Variants in PCSK6 observed in about 807,000 individuals in gnomAD.
The protein encoded by PCSK6 is paired basic amino acid cleaving enzyme 4.
Under a neutral mutation model 123.3 loss-of-function variants are expected in PCSK6, and 85 were observed. The ratio of observed to expected loss-of-function variants is 0.69; its 90% confidence interval spans 0.58 to 0.83. PCSK6 has a LOEUF of 0.83. Ranked by LOEUF, PCSK6 falls within the 40% of genes least tolerant of loss-of-function variation. The probability of loss-of-function intolerance (pLI) is 0.00; values close to 1 mark genes in which losing one functional copy is unlikely to be tolerated. For missense variants in PCSK6, 1,191 were observed against 1,282.3 expected, an observed-to-expected ratio of 0.93 and a Z score of 1.09; for synonymous variants, 508 against 516.0, an observed-to-expected ratio of 0.98 and a Z score of 0.21.
chr15:101,363,879 C>T (rs1197223564), intron 13 of PCSK6, among the ~76,000 whole-genome samples: 2 of 151,680 alleles, frequency 1.3e-5, no homozygotes, highest in Non-Finnish European at 2.9e-5. Flanking sequence ...ACTTCGTGAT[C>T]CACCCGCCTC....
chr15:101,335,183 C>T (rs796864322), intron 13 of PCSK6, among the ~76,000 whole-genome samples: 14 of 152,344 alleles, frequency 9.2e-5, no homozygotes, highest in African/African-American at 3.4e-4. Flanking sequence ...TGGTCTCAAA[C>T]TCCTGAGCTC....
At chr15:101,340,525 A>G (rs902879977) in intron 13 of PCSK6, among the ~76,000 whole-genome samples, 2 of 152,340 alleles carry the variant, frequency 1.3e-5, no homozygotes, top group Non-Finnish European at 2.9e-5. Flanking sequence ...TACAAGGTTT[A>G]TAACAAAGAA....
At position 101,451,566 on chromosome 15, in the gene PCSK6, A is replaced by C. The variant is rs754005861; in HGVS notation, c.298-7906T>G. Among the ~76,000 whole-genome samples, 8 of 152,084 alleles carry C rather than the reference A, an allele frequency of 5.3e-5. 1 individual carries two copies. In the South Asian group the frequency reaches 1.0e-3, roughly 20 times the overall value. ...GAGGCTTCTGACTTTGCAAAAAAAA[A>C]CTGTACTTTATCACTCCCAAAGCCT... On this transcript the variant is annotated intron_variant, in intron 1 of 21. Coordinates refer to ENST00000611716, the MANE Select transcript of PCSK6 (RefSeq NM_002570.5).
At chr15:101,444,227 G>A (rs190018447) in intron 1 of PCSK6, among the ~76,000 whole-genome samples, 15 of 152,294 alleles carry the variant, frequency 9.8e-5, no homozygotes, top group Admixed American at 7.8e-4. Flanking sequence ...TTCTGCCAGG[G>A]GCAGTTTGTC....
chr15:101,443,746 ATCTG>A, intron 1 of PCSK6, 86 bp from the exon 2 acceptor site: 6 of 919,070 alleles, frequency 6.5e-6, no homozygotes, highest in Non-Finnish European at 9.0e-6. Flanking sequence ...TCTCCCCCTT[ATCTG>A]AGGGGCTCAT....
At chr15:101,480,455 C>T (rs1312947942) in intron 1 of PCSK6, among the ~76,000 whole-genome samples, 1 of 152,242 alleles carries the variant, frequency 6.6e-6, no homozygotes, top group Non-Finnish European at 1.5e-5. Flanking sequence ...ACACTGAGGG[C>T]ATTGATGGGC....
At chr15:101,428,499 T>C (rs895834304) in intron 5 of PCSK6, among the ~76,000 whole-genome samples, 1 of 152,212 alleles carries the variant, frequency 6.6e-6, no homozygotes, top group South Asian at 2.1e-4. Context: ...CTTCCTGTGC[T>C]TCTAAGGCCA....
chr15:101,384,071 G>A (rs2041987282), intron 10 of PCSK6: 1 of 972,706 alleles, frequency 1.0e-6, no homozygotes, highest in South Asian at 4.8e-5. Context: ...TATAGGTGGT[G>A]TCTCGGTGTG....
chr15:101,367,114 A>T (rs2041421651), intron 12 of PCSK6, among the ~76,000 whole-genome samples: 1 of 151,758 alleles, frequency 6.6e-6, no homozygotes, highest in African/African-American at 2.4e-5. Flanking sequence ...GCCTCCCTTT[A>T]CCCTTCCCAA....
At chr15:101,338,625 A>G (rs1346760415) in intron 13 of PCSK6, among the ~76,000 whole-genome samples, 4 of 152,246 alleles carry the variant, frequency 2.6e-5, no homozygotes, top group Non-Finnish European at 4.4e-5. Context: ...AGAATGTGTT[A>G]TTTACTATTC....
At chr15:101,330,823 G>T (rs878984933) in intron 15 of PCSK6, among the ~76,000 whole-genome samples, 1 of 152,186 alleles carries the variant, frequency 6.6e-6, no homozygotes, top group African/African-American at 2.4e-5. Flanking sequence ...GAGCAGATTA[G>T]TCCATACATA....
At chr15:101,488,628 G>C (rs1225791247) in intron 1 of PCSK6, among the ~76,000 whole-genome samples, 2 of 152,130 alleles carry the variant, frequency 1.3e-5, no homozygotes, top group Non-Finnish European at 2.9e-5. Flanking sequence ...GCTTGTCAGG[G>C]GAGCGACTTG....
At chr15:101,467,418 C>G (rs1164272009) in intron 1 of PCSK6, among the ~76,000 whole-genome samples, 1 of 151,596 alleles carries the variant, frequency 6.6e-6, no homozygotes, top group Non-Finnish European at 1.5e-5. Flanking sequence ...ACTACGAGTG[C>G]CCACCACCAC....
At chr15:101,382,641 G>A (rs1309376284) in intron 10 of PCSK6, among the ~76,000 whole-genome samples, 2 of 152,082 alleles carry the variant, frequency 1.3e-5, no homozygotes, top group Non-Finnish European at 2.9e-5. Flanking sequence ...ATAACACAAG[G>A]CTGTACTCAT....
Position 101,331,973 on chromosome 15 carries a change from G to A in PCSK6, c.1917C>T (p.Thr639=), listed in dbSNP as rs371792572. The A allele has an allele frequency of 5.0e-6, 8 of 1,613,788 alleles. No individual in the cohort carries two copies. The highest frequency in any genetic ancestry group is 2.2e-5 in the South Asian group (2 of 91,038). Residue 639 remains threonine, a synonymous_variant, in exon 14 of 22, where the codon ACC becomes ACT. Transcript: ENST00000611716. The part of the protein sequence containing the change: ...LYGTAEHPYH[T]FSAHQSRSRM... Reference sequence around the variant, plus strand: ...GCGAGCGGGACTGATGGGCACTGAAGGTGTGGTACGGGTGCTCTGCTGTGC... The same window carrying A: ...GCGAGCGGGACTGATGGGCACTGAAAGTGTGGTACGGGTGCTCTGCTGTGC...
intron 1 of PCSK6, among the ~76,000 whole-genome samples, chr15:101,474,416 G>A (rs1161895406): frequency 2.6e-5 from 4 of 152,174 alleles, no homozygotes; most frequent in Admixed American, 6.5e-5. Flanking sequence ...GCGCCACGGC[G>A]GTGATCACTG....
intron 13 of PCSK6, among the ~76,000 whole-genome samples, chr15:101,338,350 G>A (rs989329403): frequency 6.0e-5 from 9 of 149,996 alleles, no homozygotes; most frequent in African/African-American, 1.8e-4. Context: ...CTCTCATTGC[G>A]TCCACAGTGT....
chr15:101,333,585 G>A (rs2040413750), intron 13 of PCSK6, among the ~76,000 whole-genome samples: 1 of 152,188 alleles, frequency 6.6e-6, no homozygotes, highest in Non-Finnish European at 1.5e-5. Context: ...GCCCATGCTC[G>A]CTACTCCACC....
intron 13 of PCSK6, among the ~76,000 whole-genome samples, chr15:101,356,802 AT>A (rs1425594478): frequency 1.3e-5 from 2 of 152,242 alleles, no homozygotes; most frequent in Non-Finnish European, 2.9e-5. Context: ...TTCACACTCG[AT>A]TCCATTCCTA....
Sources: allele counts gnomAD v4.1 joint callset (sites outside exome capture counted in the v4.1 genomes callset), GRCh38; gene constraint gnomAD v4.1.1; transcripts MANE v1.5; gene names NCBI Gene and HGNC (gene_info 2026-07-23, HGNC 2026-07-21).